Variants in ULK4 observed in about 807,000 individuals in gnomAD.
ULK4 encodes the protein unc-51 like kinase 4.
In ULK4, 133 loss-of-function variants were observed where a neutral mutation model predicts 160.6. The observed-to-expected ratio is 0.83, with a 90% CI of 0.72 to 0.96. The LOEUF (loss-of-function observed/expected upper bound fraction) is 0.96. ULK4 is among the 40% of genes least tolerant of loss of function. The pLI, the probability that ULK4 is intolerant of heterozygous loss-of-function variation, is 0.00. For missense variants in ULK4, 1,580 were observed against 1,499.5 expected (o/e 1.05, Z -0.89); for synonymous variants, 534 against 539.8 (o/e 0.99, Z 0.15).
intron 31 of ULK4, among the ~76,000 whole-genome samples, chr3:41,601,514 G>C (rs1264579064): frequency 6.6e-6 from 1 of 152,014 alleles, no homozygotes; most frequent in Non-Finnish European, 1.5e-5. Flanking sequence ...TGGGTTGGAG[G>C]GTGAGAGGGA....
chr3:41,879,250 T>A (rs1332103667), intron 17 of ULK4, among the ~76,000 whole-genome samples: 1 of 152,160 alleles, frequency 6.6e-6, no homozygotes, highest in African/African-American at 2.4e-5. Flanking sequence ...TTGGGTGTGA[T>A]AATGAAATCA....
chr3:41,289,890 T>G (rs1307994438), intron 35 of ULK4, among the ~76,000 whole-genome samples: 1 of 152,088 alleles, frequency 6.6e-6, no homozygotes, highest in Admixed American at 6.5e-5. Context: ...TGTGTGTGTA[T>G]GTGTGACGGA....
At chr3:41,511,162 C>CAAAAA (rs57133226) in intron 32 of ULK4, among the ~76,000 whole-genome samples, 5 of 97,598 alleles carry the variant, frequency 5.1e-5, no homozygotes, top group East Asian at 5.8e-4. Flanking sequence ...GACTCCGTCT[C>CAAAAA]AAAAAAAAAA....
intron 34 of ULK4, among the ~76,000 whole-genome samples, chr3:41,436,153 C>A (rs987261859): frequency 5.3e-5 from 8 of 152,134 alleles, no homozygotes; most frequent in African/African-American, 1.9e-4. Flanking sequence ...ATACTCAACA[C>A]TTTATTATAA....
intron 22 of ULK4, among the ~76,000 whole-genome samples, chr3:41,738,735 A>G (rs1481488396): frequency 6.6e-6 from 1 of 151,970 alleles, no homozygotes; most frequent in Non-Finnish European, 1.5e-5. Context: ...GTAACCAAAA[A>G]AAGAGGCACA....
At chr3:41,257,852 C>G (rs1250689480) in intron 35 of ULK4, among the ~76,000 whole-genome samples, 1 of 152,030 alleles carries the variant, frequency 6.6e-6, no homozygotes, top group African/African-American at 2.4e-5. Flanking sequence ...ACTTGGAATG[C>G]AATCAGACTT....
intron 34 of ULK4, among the ~76,000 whole-genome samples, chr3:41,431,973 A>G (rs1268055861): frequency 6.6e-6 from 1 of 151,678 alleles, no homozygotes; most frequent in Non-Finnish European, 1.5e-5. Context: ...TGTATTTTTT[A>G]GTAGAGACGC....
intron 30 of ULK4, among the ~76,000 whole-genome samples, chr3:41,625,712 A>G (rs2033472928): frequency 6.6e-6 from 1 of 152,222 alleles, no homozygotes; most frequent in Admixed American, 6.5e-5. Context: ...GACTTAAATC[A>G]TCTGTCATTT....
chr3:41,463,532 G>T (rs771725873), intron 32 of ULK4, among the ~76,000 whole-genome samples: 26 of 152,062 alleles, frequency 1.7e-4, no homozygotes, highest in Non-Finnish European at 2.6e-4. Context: ...TCCTACATGG[G>T]CAGGCTTCAC....
At chr3:41,957,885 T>A (rs1050609316) in intron 1 of ULK4, among the ~76,000 whole-genome samples, 2 of 151,634 alleles carry the variant, frequency 1.3e-5, no homozygotes, top group African/African-American at 4.8e-5. Context: ...TATTTAAAAA[T>A]TTTTAAAAAT....
At chr3:41,831,872 T>C (rs998522364) in intron 18 of ULK4, among the ~76,000 whole-genome samples, 1 of 152,118 alleles carries the variant, frequency 6.6e-6, no homozygotes, top group African/African-American at 2.4e-5. Context: ...CTGCAAATGA[T>C]ATGATCTCAT....
chr3:41,439,349 C>G (rs1164738214), intron 34 of ULK4, among the ~76,000 whole-genome samples: 1 of 152,066 alleles, frequency 6.6e-6, no homozygotes, highest in African/African-American at 2.4e-5. Flanking sequence ...AGAAAAGAAA[C>G]AAGAGCATCA....
intron 35 of ULK4, among the ~76,000 whole-genome samples, chr3:41,333,342 C>T (rs2080486309): frequency 1.3e-5 from 2 of 152,204 alleles, no homozygotes; most frequent in Admixed American, 1.3e-4. Context: ...TCATTTCTAT[C>T]TGTGATTGGG....
intron 32 of ULK4, 94 bp from the exon 33 acceptor site, chr3:41,463,347 C>T: frequency 1.1e-5 from 14 of 1,244,518 alleles, no homozygotes; most frequent in Non-Finnish European, 1.6e-5. Context: ...CTCTATGTTG[C>T]ATAAACCCTA....
chr3:41,646,260 G>C (rs183858530), intron 30 of ULK4, among the ~76,000 whole-genome samples: 1 of 152,106 alleles, frequency 6.6e-6, no homozygotes, highest in Non-Finnish European at 1.5e-5. Context: ...TATTTTGCTC[G>C]TTAGTTGATG....
intron 32 of ULK4, among the ~76,000 whole-genome samples, chr3:41,509,857 C>G (rs554198573): frequency 6.6e-6 from 1 of 152,190 alleles, no homozygotes; most frequent in African/African-American, 2.4e-5. Flanking sequence ...TGAAATACAC[C>G]AAAATAGAAC....
intron 22 of ULK4, among the ~76,000 whole-genome samples, chr3:41,740,274 AG>A (rs927641238): frequency 3.3e-5 from 5 of 151,918 alleles, no homozygotes; most frequent in Non-Finnish European, 7.3e-5. Flanking sequence ...AAATCAAAGC[AG>A]ATTTTTTTTT....
rs1409961279 is a variant in ULK4, at chr3:41,279,244, G to C, written c.3679-29670C>G. 1.2e-3 allele frequency among the ~76,000 whole-genome samples: 65 copies of C among 52,988 alleles called. 1 individual carries two copies. The highest frequency in any genetic ancestry group is 5.7e-3 in the African/African-American group (62 of 10,806). The allele number at this position is 52,988 out of a possible 152,430, so 34.8% of individuals were successfully genotyped here. A position where few individuals can be genotyped will look rare whatever the true frequency, so the allele number is the denominator to read the frequency against. ...AATAAAGTATAAAGAAAAGATTAGA[G>C]AAAAAAAGAGTAAAAAAAAAAAAAA... On this transcript the variant is annotated intron_variant, in intron 35 of 36. Transcript: ENST00000301831.
chr3:41,509,396 A>T (rs2085495389), intron 32 of ULK4, among the ~76,000 whole-genome samples: 2 of 152,230 alleles, frequency 1.3e-5, no homozygotes, highest in African/African-American at 2.4e-5. Context: ...TTTGGAAAAC[A>T]CATTTAAGAG....
Sources: gnomAD v4.1 joint callset for allele counts (sites outside exome capture counted in the v4.1 genomes callset) on GRCh38, gnomAD v4.1.1 for gene constraint, MANE v1.5 for transcripts, NCBI Gene and HGNC (gene_info 2026-07-23, HGNC 2026-07-21) for gene names.